The following ANKRD36C variants were observed in gnomAD, a reference collection of about 807,000 sequenced individuals.
The protein encoded by ANKRD36C is ankyrin repeat domain 36C, also known as ankyrin repeat domain-containing protein 36C.
Under a neutral mutation model 276.4 loss-of-function variants are expected in ANKRD36C, and 61 were observed. The ratio of observed to expected loss-of-function variants is 0.22; its 90% CI spans 0.18 to 0.27. The LOEUF (loss-of-function observed/expected upper bound fraction) is 0.27. Among genes scored for constraint, ANKRD36C ranks in the 10% least tolerant of loss-of-function variants. ANKRD36C has a pLI of 1.00. For synonymous variants in ANKRD36C, 483 were observed against 680.1 expected, an observed-to-expected ratio of 0.71 and a Z score of 4.51; for missense variants, 1,447 against 2,032.3, an observed-to-expected ratio of 0.71 and a Z score of 5.54.
chr2:95,936,891 A>C (rs1402758137), intron 22 of ANKRD36C, among the ~76,000 whole-genome samples: 4 of 152,074 alleles, frequency 2.6e-5, no homozygotes, highest in African/African-American at 9.7e-5. Flanking sequence ...TTCCTTCTTC[A>C]CAACAGCAGC....
At chr2:95,929,031 T>C (rs780186814) in intron 26 of ANKRD36C, 41 bp downstream of exon 26, 2 of 1,599,410 alleles carry the variant, frequency 1.3e-6, no homozygotes, top group African/African-American at 1.3e-5. Flanking sequence ...TTCTCTTCCA[T>C]CTTGATTGAA....
chr2:95,916,032 A>C (rs1436888473), exon 38 of ANKRD36C: 3 of 1,574,732 alleles, frequency 1.9e-6, no homozygotes, highest in Non-Finnish European at 2.6e-6. Flanking sequence ...TCGAAAAAGA[A>C]TCTTTCTCAT....
At position 95,919,804 on chromosome 2, in the gene ANKRD36C, G is replaced by A; in HGVS notation, c.2246-1762C>T. 6 of 1,428,820 alleles carry A rather than the reference G, an allele frequency of 4.2e-6. 2 individuals are homozygous for A. The highest frequency in any genetic ancestry group is 2.4e-5 in the South Asian group (2 of 83,298). The allele number at this position is 1,428,820 out of a possible 1,614,324, so 88.5% of individuals were successfully genotyped here. On this transcript the variant is annotated intron_variant, in intron 34 of 66. Coordinates refer to ENST00000456556, the Ensembl canonical transcript of ANKRD36C. ...AACAGAATCTTCCTCGTCAGTTGTA[G>A]CCTGAATGGAATTTGAAAGAAAATA...
chr2:95,923,360 A>G lies in ANKRD36C; in HGVS notation c.2143+135T>C. The G allele has an allele frequency of 2.4e-6, 3 of 1,227,406 alleles. No individual in the cohort carries two copies. The South Asian group carries it at 4.2e-5, about 17-fold the overall frequency. 76.0% of individuals were successfully genotyped at this position (1,227,406 alleles called of 1,614,324 possible). ...CAGCATCAGCGTCACCCGAGAACTT[A>G]TTACAAATGAAGAATCTCCGGCCTG... On this transcript the variant is annotated intron_variant, in intron 32 of 66. Transcript: ENST00000456556.
chr2:95,964,256 T>C (rs1019303608), intron 6 of ANKRD36C, among the ~76,000 whole-genome samples: 31 of 151,258 alleles, frequency 2.0e-4, no homozygotes, highest in African/African-American at 7.0e-4. Context: ...GCACATATCA[T>C]TGATGTGCAA....
At chr2:95,969,932 T>A (rs1678666507) in intron 6 of ANKRD36C, among the ~76,000 whole-genome samples, 1 of 151,880 alleles carries the variant, frequency 6.6e-6, no homozygotes, top group African/African-American at 2.4e-5. Flanking sequence ...TATATTTTTA[T>A]AAATTATTGT....
intron 16 of ANKRD36C, among the ~76,000 whole-genome samples, chr2:95,949,371 A>C (rs1406482436): frequency 6.6e-6 from 1 of 152,154 alleles, no homozygotes; most frequent in Non-Finnish European, 1.5e-5. Context: ...ACTAGTGGAA[A>C]AGTCTCCCTC....
chr2:95,961,421 G>C (rs550065332), intron 8 of ANKRD36C, among the ~76,000 whole-genome samples: 3 of 152,092 alleles, frequency 2.0e-5, no homozygotes, highest in African/African-American at 7.2e-5. Context: ...GTACGCATTA[G>C]ATATGAATAA....
chr2:95,884,170 T>G lies in ANKRD36C; in HGVS notation c.3265+3A>C. The G allele has an allele frequency of 6.2e-7, 1 of 1,605,856 alleles. No homozygotes were observed. Among genetic ancestry groups the G allele is most frequent in the South Asian group, 1.1e-5 (1 of 90,434 alleles). ...TGACATTAAATGTGTTTTGCAAAAT[T>G]ACCTGTCCCAGATTTTTCTCCATCC... On this transcript the variant is annotated splice_donor_region_variant and intron_variant, in intron 54 of 66. Transcript: ENST00000456556.
rs765058407 is a variant in ANKRD36C, at chr2:95,880,408, T to C, written c.3469+19A>G. 8 of 1,541,742 alleles carry C rather than the reference T, an allele frequency of 5.2e-6. No individual in the cohort carries two copies. In the African/African-American group the frequency reaches 9.6e-5, roughly 19 times the overall value. On this transcript the variant is annotated intron_variant, in intron 58 of 66. Coordinates refer to ENST00000456556, the Ensembl canonical transcript of ANKRD36C. ...TAATGTACTTCTTTCCAGAGTTAAA[T>C]CTACAATGCAAAGTTTACCTGGTGT...
At chr2:95,867,181 G>C (rs992567460) in intron 60 of ANKRD36C, among the ~76,000 whole-genome samples, 3 of 152,190 alleles carry the variant, frequency 2.0e-5, no homozygotes, top group African/African-American at 7.2e-5. Flanking sequence ...GGGTAAAGGG[G>C]TAATGGCATA....
downstream of ANKRD36C, among the ~76,000 whole-genome samples, chr2:95,850,335 TAC>T (rs1385835070): frequency 7.9e-5 from 12 of 152,224 alleles, no homozygotes; most frequent in Admixed American, 5.9e-4. Flanking sequence ...GCAATTCCCG[TAC>T]AGAGTCATAC....
chr2:95,861,510 C>A (rs1675582147), intron 60 of ANKRD36C, among the ~76,000 whole-genome samples: 1 of 150,834 alleles, frequency 6.6e-6, no homozygotes, highest in Non-Finnish European at 1.5e-5. Context: ...TTTTTTATAC[C>A]ATCTAGGATG....
At chr2:95,891,712 A>G in exon 46 of ANKRD36C, 1 of 1,581,180 alleles carries the variant, frequency 6.3e-7, no homozygotes, top group Non-Finnish European at 8.6e-7. Flanking sequence ...TATATTCAAA[A>G]CAGAATCTTT....
chr2:95,979,672 G>A (rs1201393972), intron 5 of ANKRD36C, among the ~76,000 whole-genome samples: 1 of 151,886 alleles, frequency 6.6e-6, no homozygotes, highest in Non-Finnish European at 1.5e-5. Flanking sequence ...TCAGGGTACA[G>A]ATCTGGTAGC....
At chr2:95,972,022 C>T (rs1449920372) in intron 6 of ANKRD36C, among the ~76,000 whole-genome samples, 1 of 152,146 alleles carries the variant, frequency 6.6e-6, no homozygotes, top group East Asian at 1.9e-4. Context: ...ATGTTATTCA[C>T]TATCAAATAG....
chr2:95,862,015 T>C (rs1307185854), intron 60 of ANKRD36C, among the ~76,000 whole-genome samples: 1 of 151,154 alleles, frequency 6.6e-6, no homozygotes, highest in Admixed American at 6.6e-5. Flanking sequence ...GTCACAATTG[T>C]AAAAGGTTCA....
At chr2:95,909,727 G>A (rs967088043) in intron 42 of ANKRD36C, among the ~76,000 whole-genome samples, 31 of 150,822 alleles carry the variant, frequency 2.1e-4, no homozygotes, top group Non-Finnish European at 3.7e-4. Flanking sequence ...GAGGAGTAAT[G>A]AGTCAGTGTG....
chr2:95,910,286 C>T (rs1017264217), intron 42 of ANKRD36C, 87 bp downstream of exon 46: 13 of 1,392,166 alleles, frequency 9.3e-6, no homozygotes, highest in Non-Finnish European at 1.2e-5. Flanking sequence ...AGTGCAGCTT[C>T]GACGAGCCAC....
Sources: allele counts gnomAD v4.1 joint callset (sites outside exome capture counted in the v4.1 genomes callset), GRCh38; gene constraint gnomAD v4.1.1; transcripts MANE v1.5; gene names NCBI Gene and HGNC (gene_info 2026-07-23, HGNC 2026-07-21).